FGD6: variants seen among roughly 807,000 people sequenced by gnomAD.
FGD6 encodes the protein FYVE, RhoGEF and PH domain containing 6, also known as FYVE, RhoGEF and PH domain-containing protein 6.
A neutral mutation model predicts 149.4 loss-of-function variants in FGD6; 90 were observed. The observed-to-expected ratio is 0.60, with a 90% confidence interval of 0.51 to 0.72. The LOEUF is 0.72. Among genes scored for constraint, FGD6 ranks in the 30% least tolerant of loss-of-function variants. The pLI, the probability that FGD6 is intolerant of heterozygous loss-of-function variation, is 0.00. For synonymous variants in FGD6, 527 were observed against 584.0 expected, an observed-to-expected ratio of 0.90 and a Z score of 1.41; for missense variants, 1,437 against 1,684.8, an observed-to-expected ratio of 0.85 and a Z score of 2.57.
rs1181840747 is a variant in FGD6, at chr12:95,209,289, C to T, written c.1995G>A (p.Gly665=). The T allele has an allele frequency of 4.3e-6, 7 of 1,613,984 alleles. No homozygotes were observed. The African/African-American group carries it at 9.3e-5, about 22-fold the overall frequency. The change falls in exon 2 of 21, where the codon GGG becomes GGA. Residue 665 remains glycine (G), a synonymous_variant. Transcript: ENST00000343958. ...GDTTTGHLSS[G]EQKGIESDWQ... ...AATCACTTTCAATCCCCTTCTGCTC[C>T]CCACTGGAGAGGTGGCCTGTGGTGG...
At chr12:95,151,104 GGA>G (rs535249912) in intron 5 of FGD6, among the ~76,000 whole-genome samples, 11 of 151,670 alleles carry the variant, frequency 7.3e-5, no homozygotes, top group Admixed American at 6.6e-5. Context: ...TTAAAAAAAA[GGA>G]GAGAGAGAGG....
chr12:95,100,061 C>T (rs1165962181), intron 14 of FGD6, among the ~76,000 whole-genome samples: 1 of 137,574 alleles, frequency 7.3e-6, no homozygotes, highest in African/African-American at 2.6e-5. Flanking sequence ...CTGATCCCCC[C>T]CCCCCCCACC....
chr12:95,206,678 G>A (rs957119816), intron 2 of FGD6, among the ~76,000 whole-genome samples: 1 of 149,262 alleles, frequency 6.7e-6, no homozygotes, highest in African/African-American at 2.5e-5. Context: ...GGGAGACAGA[G>A]AGGGGACCCT....
At chr12:95,094,787 AC>A in intron 14 of FGD6, 93 bp from the exon 15 acceptor site, 1 of 864,224 alleles carries the variant, frequency 1.2e-6, no homozygotes, top group South Asian at 1.5e-5. Flanking sequence ...AGATCCCACC[AC>A]CCTCCAACAA....
intron 3 of FGD6, among the ~76,000 whole-genome samples, chr12:95,156,070 C>A (rs1162470576): frequency 6.6e-6 from 1 of 152,080 alleles, no homozygotes; most frequent in African/African-American, 2.4e-5. Flanking sequence ...TGTATGTTGC[C>A]TCAGGACCCT....
intron 18 of FGD6, among the ~76,000 whole-genome samples, chr12:95,086,626 A>G (rs1475302969): frequency 8.3e-6 from 1 of 120,778 alleles, no homozygotes; most frequent in Non-Finnish European, 1.6e-5. Flanking sequence ...TGCAAGCTCC[A>G]CCTCCCAGGT....
At chr12:95,113,395 G>A (rs1166621456) in intron 9 of FGD6, among the ~76,000 whole-genome samples, 1 of 151,862 alleles carries the variant, frequency 6.6e-6, no homozygotes, top group Admixed American at 6.6e-5. Context: ...ATCACACCTG[G>A]CTAGTTTTTG....
chr12:95,087,049 T>C (rs545442201), intron 18 of FGD6, among the ~76,000 whole-genome samples: 2 of 151,070 alleles, frequency 1.3e-5, no homozygotes, highest in African/African-American at 4.9e-5. Context: ...GGTTTCGCCA[T>C]GTTGGCCAGG....
rs150155970 is a variant in FGD6, at chr12:95,208,928, C to T, written c.2356G>A (p.Ala786Thr). 1.4e-4 allele frequency: 226 copies of T among 1,613,998 alleles called. No homozygotes were observed. The highest frequency in any genetic ancestry group is 1.7e-4 in the Non-Finnish European group (203 of 1,180,026). ...EWQNSSSMEDADANVYEVEEP... is the reference protein window; with the variant it reads ...EWQNSSSMEDTDANVYEVEEP... Reference sequence around the variant, plus strand: ...TCTACCTCATACACATTTGCATCAGCGTCCTCCATGCTGCTGGAATTCTGC... The same window carrying T: ...TCTACCTCATACACATTTGCATCAGTGTCCTCCATGCTGCTGGAATTCTGC... Residue 786 changes from alanine (A) to threonine (T), a missense_variant, in exon 2 of 21, where the codon GCT becomes ACT. This residue lies in a region of FGD6 where 1,055 missense variants were observed against 1,146.0 expected (regional missense o/e 0.92). Transcript: ENST00000343958.
At chr12:95,172,800 A>G in intron 2 of FGD6, 56 bp from the exon 3 acceptor site, 1 of 1,399,418 alleles carries the variant, frequency 7.1e-7, no homozygotes. Context: ...AGTGCTAGCA[A>G]AACAAAAACC....
intron 8 of FGD6, among the ~76,000 whole-genome samples, chr12:95,128,416 T>C (rs569754886): frequency 6.6e-6 from 1 of 152,274 alleles, no homozygotes; most frequent in East Asian, 1.9e-4. Context: ...TTTAAATTTT[T>C]CTTTTGTAGA....
At chr12:95,083,030 T>TATATATATATATACAC (rs772685891) in intron 20 of FGD6, among the ~76,000 whole-genome samples, 34 of 56,592 alleles carry the variant, frequency 6.0e-4, no homozygotes, top group Non-Finnish European at 8.2e-4. Context: ...TATATATATA[T>TATATATATATATACAC]ACACACACAT....
At chr12:95,146,040 C>T (rs7484919) in intron 5 of FGD6, among the ~76,000 whole-genome samples, 133,398 of 152,180 alleles carry the variant, frequency 0.88, 58,811 homozygotes, top group African/African-American at 0.96. Flanking sequence ...ACAAGTGTCA[C>T]TGAATAATTG....
intron 2 of FGD6, among the ~76,000 whole-genome samples, chr12:95,188,426 G>C (rs1881505755): frequency 6.6e-6 from 1 of 152,144 alleles, no homozygotes; most frequent in Non-Finnish European, 1.5e-5. Context: ...AGACACAGGA[G>C]AAGGAAGACA....
chr12:95,085,728 C>G (rs897598868), intron 19 of FGD6, 52 bp downstream of exon 19: 2 of 1,547,290 alleles, frequency 1.3e-6, no homozygotes, highest in African/African-American at 2.8e-5. Flanking sequence ...TAATTACTTG[C>G]AGTTGGCATT....
intron 6 of FGD6, among the ~76,000 whole-genome samples, 179 bp downstream of exon 6, chr12:95,141,209 T>C (rs1330207530): frequency 6.6e-6 from 1 of 152,172 alleles, no homozygotes; most frequent in Non-Finnish European, 1.5e-5. Flanking sequence ...GGCGACAGAA[T>C]GAGAATCTAT....
chr12:95,217,416 C>A lies in FGD6; in HGVS notation c.-176G>T, dbSNP rs1363909433. On this transcript the variant is annotated 5_prime_UTR_variant, in exon 1 of 21. Coordinates refer to ENST00000343958, the MANE Select transcript of FGD6 (RefSeq NM_018351.4). Reference sequence around the variant, plus strand: ...AAAGGACGCGGCCGACTCTAGCGACCCTGCGGCGCTCCCGGGCGCGAGCCG... The same window carrying A: ...AAAGGACGCGGCCGACTCTAGCGACACTGCGGCGCTCCCGGGCGCGAGCCG... 2.8e-6 allele frequency: 3 copies of A among 1,053,796 alleles called. No homozygotes were observed. Among genetic ancestry groups the A allele is most frequent in the Non-Finnish European group, 3.8e-6 (3 of 783,646 alleles). The allele number at this position is 1,053,796 out of a possible 1,614,324, so 65.3% of individuals were successfully genotyped here. A position where few individuals can be genotyped will look rare whatever the true frequency, so the allele number is the denominator to read the frequency against.
intron 2 of FGD6, among the ~76,000 whole-genome samples, chr12:95,199,401 T>A (rs762939484): frequency 1.2e-4 from 18 of 152,100 alleles, no homozygotes; most frequent in Non-Finnish European, 2.6e-4. Context: ...CAAAAAAAAA[T>A]CCTTATTTAT....
intron 13 of FGD6, among the ~76,000 whole-genome samples, chr12:95,105,394 T>C (rs971055816): frequency 6.6e-6 from 1 of 152,180 alleles, no homozygotes; most frequent in African/African-American, 2.4e-5. Context: ...CTCCTCTTTC[T>C]CCTTCTTTCC....
Sources: gnomAD v4.1 joint callset for allele counts (sites outside exome capture counted in the v4.1 genomes callset) on GRCh38, gnomAD v4.1.1 for gene constraint, gnomAD v4.1.1 regional missense constraint, MANE v1.5 for transcripts, NCBI Gene and HGNC (gene_info 2026-07-23, HGNC 2026-07-21) for gene names.